Variants in RBFOX1 observed in about 807,000 individuals in gnomAD.
RBFOX1 encodes the protein RNA binding fox-1 homolog 1, also known as RNA binding protein fox-1 homolog 1.
A neutral mutation model predicts 57.7 loss-of-function variants in RBFOX1; 8 were observed. That is an observed-to-expected ratio of 0.14 (90% confidence interval 0.08 to 0.25). RBFOX1 has a LOEUF of 0.25. RBFOX1 is among the 10% of genes least tolerant of loss of function. The pLI is 1.00. For synonymous variants in RBFOX1, 326 were observed against 222.4 expected (o/e 1.47, Z -4.15); for missense variants, 611 against 548.5 (o/e 1.11, Z -1.14).
chr16:6,963,529 A>T (rs1360572659), intron 3 of RBFOX1, among the ~76,000 whole-genome samples: 1 of 152,018 alleles, frequency 6.6e-6, no homozygotes, highest in East Asian at 1.9e-4. Context: ...GGAGTGAATG[A>T]CTCACTTGCA....
At chr16:7,185,601 T>C (rs931005066) in intron 4 of RBFOX1, among the ~76,000 whole-genome samples, 1 of 152,202 alleles carries the variant, frequency 6.6e-6, no homozygotes, top group African/African-American at 2.4e-5. Context: ...TTTATTACAC[T>C]TTGAGAAACA....
chr16:7,476,837 T>G (rs2062823723), intron 4 of RBFOX1, among the ~76,000 whole-genome samples: 1 of 152,220 alleles, frequency 6.6e-6, no homozygotes, highest in South Asian at 2.1e-4. Context: ...TTGCATTGAA[T>G]GGGCTAACAT....
chr16:7,693,511 A>ACAGCTG, intron 14 of RBFOX1: 1 of 650,602 alleles, frequency 1.5e-6, no homozygotes, highest in African/African-American at 1.8e-5. Context: ...TCTTTGGAGT[A>ACAGCTG]CAGCTGAAGC....
chr16:7,380,015 T>G (rs1366623415), intron 4 of RBFOX1, among the ~76,000 whole-genome samples: 1 of 152,058 alleles, frequency 6.6e-6, no homozygotes, highest in Non-Finnish European at 1.5e-5. Flanking sequence ...CACCAAACCT[T>G]GCTTATTTTT....
intron 4 of RBFOX1, among the ~76,000 whole-genome samples, chr16:7,130,314 C>T (rs992183734): frequency 1.3e-5 from 2 of 152,152 alleles, no homozygotes; most frequent in African/African-American, 4.8e-5. Flanking sequence ...AGATTGTAGG[C>T]ATGAAGCCAC....
chr16:6,426,497 GATGCACACCTGTCGTCC>G (rs2093932583), intron 2 of RBFOX1, among the ~76,000 whole-genome samples: 1 of 152,116 alleles, frequency 6.6e-6, no homozygotes, highest in Non-Finnish European at 1.5e-5. Context: ...CTGGTGTGGT[GATGCACACCTGTCGTCC>G]CAGCTACCTG....
chr16:5,250,059 G>C (rs1425802384), intron 1 of RBFOX1, among the ~76,000 whole-genome samples: 1 of 151,708 alleles, frequency 6.6e-6, no homozygotes, highest in African/African-American at 2.4e-5. Flanking sequence ...TTGTAGTGAG[G>C]AGGAGGTTGC....
At chr16:6,335,186 G>A (rs1054836853) in intron 2 of RBFOX1, among the ~76,000 whole-genome samples, 2 of 152,236 alleles carry the variant, frequency 1.3e-5, no homozygotes, top group African/African-American at 4.8e-5. Flanking sequence ...TGGAATGTGT[G>A]TTAGACACGT....
At chr16:7,635,336 G>GTTTAT (rs1042548353) in intron 11 of RBFOX1, among the ~76,000 whole-genome samples, 1 of 152,178 alleles carries the variant, frequency 6.6e-6, no homozygotes, top group African/African-American at 2.4e-5. Context: ...GCACGTAAAT[G>GTTTAT]TTTATTTTGT....
At chr16:6,051,952 C>G (rs919453419) in intron 1 of RBFOX1, among the ~76,000 whole-genome samples, 5 of 152,204 alleles carry the variant, frequency 3.3e-5, no homozygotes, top group African/African-American at 1.2e-4. Context: ...GAGCCCTACA[C>G]TCCCTCACCT....
At position 7,518,199 on chromosome 16, in the gene RBFOX1, C is replaced by T. The variant is rs527782263; in HGVS notation, c.80C>T (p.Ser27Leu). The change falls in exon 5 of 16, where the codon TCG (serine) becomes TTG (leucine). Residue 27 changes from serine (S) to leucine (L), a missense_variant. Around this residue, in one of 3 missense-constraint regions of RBFOX1, gnomAD observed 245 missense variants for 159.1 expected, o/e 1.54. Coordinates refer to ENST00000550418, the MANE Select transcript of RBFOX1 (RefSeq NM_018723.4). The stretch of plus-strand genomic sequence containing the variant: ...GACACAATGGCTCAGCCTTACGCTT[C>T]GGCCCAGTTTGCTCCCCCGCAGAAC... ...APDTMAQPYA[S>L]AQFAPPQNGI... 10 of 1,614,090 alleles carry T rather than the reference C, an allele frequency of 6.2e-6. No individual in the cohort carries two copies. Among genetic ancestry groups the T allele is most frequent in the African/African-American group, 1.3e-5 (1 of 75,044 alleles).
chr16:6,395,100 C>T (rs1306462490), intron 2 of RBFOX1, among the ~76,000 whole-genome samples: 8 of 152,146 alleles, frequency 5.3e-5, no homozygotes, highest in African/African-American at 1.9e-4. Flanking sequence ...AGACTCTGAC[C>T]ATGTCACTGT....
intron 1 of RBFOX1, among the ~76,000 whole-genome samples, chr16:6,313,353 C>T (rs2080619292): frequency 6.6e-6 from 1 of 152,154 alleles, no homozygotes. Flanking sequence ...GGGTCACACT[C>T]CTTGACCTGC....
chr16:6,064,095 T>C (rs2095726232), intron 1 of RBFOX1, among the ~76,000 whole-genome samples: 1 of 152,184 alleles, frequency 6.6e-6, no homozygotes, highest in Non-Finnish European at 1.5e-5. Context: ...CCCCTTTTGG[T>C]CAGTACTACC....
intron 4 of RBFOX1, among the ~76,000 whole-genome samples, chr16:7,481,844 T>C (rs754714035): frequency 6.6e-5 from 10 of 152,350 alleles, no homozygotes; most frequent in Admixed American, 2.0e-4. Context: ...AGAACACTTA[T>C]ATTAGTCTGT....
intron 1 of RBFOX1, among the ~76,000 whole-genome samples, chr16:6,249,443 G>A (rs975437066): frequency 2.0e-5 from 3 of 152,168 alleles, no homozygotes; most frequent in Non-Finnish European, 4.4e-5. Flanking sequence ...AGAATAGCTT[G>A]AACCCGGGAG....
At chr16:7,478,906 C>A (rs539377282) in intron 4 of RBFOX1, among the ~76,000 whole-genome samples, 1 of 151,988 alleles carries the variant, frequency 6.6e-6, no homozygotes, top group Non-Finnish European at 1.5e-5. Flanking sequence ...TTTGTTAATT[C>A]GATGAGTAAA....
chr16:6,646,643 T>A (rs1243161312), intron 2 of RBFOX1, among the ~76,000 whole-genome samples: 2 of 152,092 alleles, frequency 1.3e-5, no homozygotes, highest in Non-Finnish European at 2.9e-5. Context: ...AAATGCTTAT[T>A]TCACCTGGTC....
At chr16:7,055,677 G>T (rs2051938257) in intron 4 of RBFOX1, among the ~76,000 whole-genome samples, 1 of 152,190 alleles carries the variant, frequency 6.6e-6, no homozygotes, top group Admixed American at 6.5e-5. Flanking sequence ...TGGAATCTCA[G>T]CGATTGGCTA....
Sources: gnomAD v4.1 joint callset for allele counts (sites outside exome capture counted in the v4.1 genomes callset) on GRCh38, gnomAD v4.1.1 for gene constraint, gnomAD v4.1.1 regional missense constraint, MANE v1.5 for transcripts, NCBI Gene and HGNC (gene_info 2026-07-23, HGNC 2026-07-21) for gene names.